ERLEC1: variants seen among roughly 807,000 people sequenced by gnomAD.
ERLEC1 encodes the protein ER lectin.
A neutral mutation model predicts 68.0 loss-of-function variants in ERLEC1; 47 were observed. The ratio of observed to expected loss-of-function variants is 0.69; its 90% confidence interval spans 0.55 to 0.88. The LOEUF is 0.88. Ranked by LOEUF, ERLEC1 falls within the 40% of genes least tolerant of loss-of-function variation. ERLEC1 has a pLI of 0.00. For missense variants in ERLEC1, 567 were observed against 583.8 expected (o/e 0.97, Z 0.30); for synonymous variants, 225 against 203.2 (o/e 1.11, Z -0.91).
chr2:53,805,503 C>G (rs145777327), intron 8 of ERLEC1, among the ~76,000 whole-genome samples: 1 of 152,146 alleles, frequency 6.6e-6, no homozygotes, highest in Non-Finnish European at 1.5e-5. Flanking sequence ...CAGGTGTGAA[C>G]CACTGCAGCT....
intron 1 of ERLEC1, among the ~76,000 whole-genome samples, chr2:53,788,181 C>T (rs1675177949): frequency 6.6e-6 from 1 of 152,120 alleles, no homozygotes; most frequent in Non-Finnish European, 1.5e-5. Context: ...ATTGAAGTCC[C>T]GGAAAAAGCA....
chr2:53,789,766 C>G (rs1675284333), intron 1 of ERLEC1, among the ~76,000 whole-genome samples: 1 of 152,062 alleles, frequency 6.6e-6, no homozygotes, highest in Non-Finnish European at 1.5e-5. Flanking sequence ...CGCCTATAAT[C>G]CCAACATTTT....
intron 5 of ERLEC1, among the ~76,000 whole-genome samples, chr2:53,798,642 T>C (rs1675844446): frequency 6.6e-6 from 1 of 151,566 alleles, no homozygotes; most frequent in African/African-American, 2.4e-5. Context: ...GCCAGGTGCA[T>C]GTTAGTGTTA....
At chr2:53,798,208 A>G (rs1018176279) in intron 5 of ERLEC1, among the ~76,000 whole-genome samples, 10 of 152,104 alleles carry the variant, frequency 6.6e-5, no homozygotes, top group Non-Finnish European at 1.5e-4. Flanking sequence ...ATAAAATAAA[A>G]TACTGAAATG....
rs1676585744 is a variant in ERLEC1, at chr2:53,811,429, G to C, written c.1102-1520G>C. On this transcript the variant is annotated intron_variant, in intron 10 of 13. Coordinates refer to ENST00000185150, the MANE Select transcript of ERLEC1 (RefSeq NM_015701.5). ...ACCAGTTTACACTCCCATAAACAGT[G>C]GCTACATTCCTATACACTTGCCAAC... Among the ~76,000 whole-genome samples the C allele has an allele frequency of 2.0e-5, 3 of 152,110 alleles. No homozygotes were observed. The South Asian group carries it at 6.2e-4, about 31-fold the overall frequency.
intron 8 of ERLEC1, among the ~76,000 whole-genome samples, chr2:53,802,117 T>C (rs1215264147): frequency 1.3e-5 from 2 of 152,186 alleles, no homozygotes; most frequent in East Asian, 1.9e-4. Context: ...TTGTCCCAGC[T>C]AACCCTCTTG....
intron 6 of ERLEC1, among the ~76,000 whole-genome samples, chr2:53,799,350 T>TA (rs1247143798): frequency 3.3e-5 from 5 of 152,204 alleles, no homozygotes; most frequent in African/African-American, 1.2e-4. Flanking sequence ...TTATATCACT[T>TA]ACGTGCTTAG....
intron 6 of ERLEC1, among the ~76,000 whole-genome samples, 156 bp downstream of exon 6, chr2:53,799,237 C>T (rs964358477): frequency 2.0e-5 from 3 of 151,958 alleles, no homozygotes; most frequent in African/African-American, 7.3e-5. Flanking sequence ...CAGTATATTC[C>T]TTTTTTCCGA....
intron 1 of ERLEC1, among the ~76,000 whole-genome samples, chr2:53,792,771 C>T (rs746905060): frequency 6.6e-6 from 1 of 152,184 alleles, no homozygotes; most frequent in South Asian, 2.1e-4. Flanking sequence ...AATCCCAACA[C>T]TTTGGGAGAC....
intron 13 of ERLEC1, among the ~76,000 whole-genome samples, chr2:53,816,567 G>C (rs918296336): frequency 6.6e-6 from 1 of 151,812 alleles, no homozygotes; most frequent in African/African-American, 2.4e-5. Context: ...CCCGCACCCA[G>C]CCCCATTTTC....
chr2:53,792,811 G>A (rs1675481245), intron 1 of ERLEC1, among the ~76,000 whole-genome samples: 2 of 152,138 alleles, frequency 1.3e-5, no homozygotes, highest in African/African-American at 4.8e-5. Flanking sequence ...GAGCCTAGGA[G>A]TTTGAGACCC....
At chr2:53,795,720 A>C (rs1040875353) in intron 2 of ERLEC1, among the ~76,000 whole-genome samples, 2 of 152,208 alleles carry the variant, frequency 1.3e-5, no homozygotes, top group African/African-American at 4.8e-5. Context: ...TTAAGAAAGC[A>C]TGAACTCTGT....
intron 11 of ERLEC1, 97 bp from the exon 12 acceptor site, chr2:53,814,446 A>G (rs543682415): frequency 9.4e-6 from 7 of 744,910 alleles, no homozygotes; most frequent in African/African-American, 3.5e-5. Flanking sequence ...AACTAATGCA[A>G]AACTGATCCC....
At chr2:53,816,336 G>A (rs930745461) in intron 13 of ERLEC1, among the ~76,000 whole-genome samples, 6 of 148,534 alleles carry the variant, frequency 4.0e-5, no homozygotes, top group East Asian at 4.0e-4. Context: ...GCATGATCTC[G>A]GCTCACTGCA....
At chr2:53,787,472 C>G in intron 1 of ERLEC1, 100 bp downstream of exon 1, 1 of 1,385,516 alleles carries the variant, frequency 7.2e-7, no homozygotes, top group Admixed American at 2.3e-5. Context: ...AAGACCTTCT[C>G]TGCAGACTCT....
chr2:53,809,675 G>A (rs1484914081), intron 10 of ERLEC1, among the ~76,000 whole-genome samples: 3 of 152,064 alleles, frequency 2.0e-5, no homozygotes, highest in South Asian at 2.1e-4. Flanking sequence ...ATTTGAGCTC[G>A]GGAGGCGGAG....
intron 8 of ERLEC1, among the ~76,000 whole-genome samples, chr2:53,807,916 T>G (rs1676381340): frequency 6.6e-6 from 1 of 151,964 alleles, no homozygotes. Context: ...TCCTAGCTAC[T>G]TTGGAGGCTG....
chr2:53,810,325 TA>T (rs1290820477), intron 10 of ERLEC1, among the ~76,000 whole-genome samples: 1 of 151,986 alleles, frequency 6.6e-6, no homozygotes, highest in Non-Finnish European at 1.5e-5. Context: ...TTAAAAATTT[TA>T]AAAAAAGAAA....
intron 5 of ERLEC1, among the ~76,000 whole-genome samples, chr2:53,798,796 A>G (rs921578857): frequency 9.2e-5 from 14 of 151,996 alleles, no homozygotes; most frequent in African/African-American, 3.1e-4. Context: ...AGATAAAAAT[A>G]CCTCGAAAGA....
Sources: gnomAD v4.1 joint callset for allele counts (sites outside exome capture counted in the v4.1 genomes callset) on GRCh38, gnomAD v4.1.1 for gene constraint, MANE v1.5 for transcripts, NCBI Gene and HGNC (gene_info 2026-07-23, HGNC 2026-07-21) for gene names.